SCYL2: variants seen among roughly 807,000 people sequenced by gnomAD.
The protein encoded by SCYL2 is SCY1-like protein 2.
In SCYL2, 36 loss-of-function variants were observed where a neutral mutation model predicts 100.4. The ratio of observed to expected loss-of-function variants is 0.36; its 90% CI spans 0.27 to 0.47. The LOEUF (loss-of-function observed/expected upper bound fraction) is 0.47, where lower values mean the gene tolerates loss of function less well. Ranked by LOEUF, SCYL2 falls within the 20% of genes least tolerant of loss-of-function variation. The pLI is 1.00. For synonymous variants in SCYL2, 330 were observed against 359.2 expected, an observed-to-expected ratio of 0.92 and a Z score of 0.92; for missense variants, 902 against 1,083.9, an observed-to-expected ratio of 0.83 and a Z score of 2.36.
chr12:100,318,329 C>CTT (rs1052095844), intron 10 of SCYL2, among the ~76,000 whole-genome samples: 122 of 130,922 alleles, frequency 9.3e-4, no homozygotes, highest in African/African-American at 1.9e-3. Context: ...TCTTTTCTTT[C>CTT]TTTTTTTTTT....
chr12:100,303,554 C>T (rs1447566424), intron 4 of SCYL2, among the ~76,000 whole-genome samples: 1 of 152,210 alleles, frequency 6.6e-6, no homozygotes, highest in Non-Finnish European at 1.5e-5. Context: ...GAGGTCCACT[C>T]CAGACCCTGT....
intron 1 of SCYL2, among the ~76,000 whole-genome samples, chr12:100,273,982 G>A (rs969685917): frequency 2.6e-5 from 4 of 152,138 alleles, no homozygotes; most frequent in Admixed American, 6.5e-5. Context: ...TCACCTTCCC[G>A]TCAAAATCAA....
At chr12:100,311,003 G>C (rs1227408391) in intron 4 of SCYL2, 41 bp from the exon 5 acceptor site, 2 of 1,428,582 alleles carry the variant, frequency 1.4e-6, no homozygotes, top group African/African-American at 2.9e-5. Flanking sequence ...ATAATTGAAA[G>C]GAGTTTTATT....
intron 1 of SCYL2, among the ~76,000 whole-genome samples, chr12:100,273,632 T>C (rs2096289746): frequency 6.6e-6 from 1 of 152,230 alleles, no homozygotes; most frequent in Non-Finnish European, 1.5e-5. Flanking sequence ...TCTGAAAATA[T>C]GCTTTGTTTT....
At chr12:100,271,209 A>T (rs771573468) in intron 1 of SCYL2, among the ~76,000 whole-genome samples, 12 of 148,704 alleles carry the variant, frequency 8.1e-5, no homozygotes, top group African/African-American at 3.0e-4. Flanking sequence ...TCAAGAATAC[A>T]TCTTAAGGCC....
At chr12:100,296,028 C>T (rs1226657936) in intron 3 of SCYL2, among the ~76,000 whole-genome samples, 1 of 152,178 alleles carries the variant, frequency 6.6e-6, no homozygotes, top group Non-Finnish European at 1.5e-5. Flanking sequence ...TCTTATATCT[C>T]ATAATTACAT....
At chr12:100,272,730 C>T (rs1216646822) in intron 1 of SCYL2, among the ~76,000 whole-genome samples, 9 of 152,164 alleles carry the variant, frequency 5.9e-5, no homozygotes, top group Middle Eastern at 3.4e-3. Flanking sequence ...TTCTTAGTTT[C>T]GTTCTTTTCT....
chr12:100,279,869 TG>T (rs1163682367), intron 1 of SCYL2, among the ~76,000 whole-genome samples: 1 of 152,246 alleles, frequency 6.6e-6, no homozygotes, highest in Non-Finnish European at 1.5e-5. Flanking sequence ...TAAGCATGTG[TG>T]GGACCAGGGA....
At chr12:100,328,457 A>G (rs998358192) in intron 12 of SCYL2, among the ~76,000 whole-genome samples, 1 of 152,214 alleles carries the variant, frequency 6.6e-6, no homozygotes, top group Non-Finnish European at 1.5e-5. Flanking sequence ...AGTAACAAGC[A>G]TAGTGCTCAG....
rs573715140 is a variant in SCYL2, at chr12:100,295,477, C to G, written c.336-2554C>G. Among the ~76,000 whole-genome samples the G allele has an allele frequency of 1.1e-4, 16 of 152,230 alleles. No individual in the cohort carries two copies. In the South Asian group the frequency reaches 1.5e-3, roughly 14 times the overall value. The stretch of plus-strand genomic sequence containing the variant: ...TCGGGAGGCCGAGGCTGGCGGATCA[C>G]TCGCGGTTAGGAGCTGGAGACCGGC... On this transcript the variant is annotated intron_variant, in intron 3 of 17. Transcript: ENST00000360820.
intron 2 of SCYL2, 68 bp from the exon 3 acceptor site, chr12:100,291,435 G>C (rs2096310509): frequency 2.8e-6 from 3 of 1,054,822 alleles, no homozygotes; most frequent in Non-Finnish European, 4.1e-6. Flanking sequence ...TTTGTAGATT[G>C]TGACATTCAT....
At chr12:100,331,827 A>G (rs1001228037) in intron 13 of SCYL2, among the ~76,000 whole-genome samples, 4 of 152,196 alleles carry the variant, frequency 2.6e-5, no homozygotes, top group Admixed American at 2.6e-4. Context: ...GATGATTTAA[A>G]TCTATTATAC....
At chr12:100,294,947 G>A (rs1159106676) in intron 3 of SCYL2, among the ~76,000 whole-genome samples, 4 of 151,498 alleles carry the variant, frequency 2.6e-5, no homozygotes, top group Non-Finnish European at 4.4e-5. Context: ...CAGACGGGGC[G>A]GTTGCCAGGC....
chr12:100,277,715 A>G (rs184711488), intron 1 of SCYL2, among the ~76,000 whole-genome samples: 31 of 152,284 alleles, frequency 2.0e-4, no homozygotes, highest in African/African-American at 7.2e-4. Flanking sequence ...ATTTATTGAT[A>G]TGGTTGGATT....
At position 100,326,727 on chromosome 12, in the gene SCYL2, G is replaced by A. The variant is rs1239419795; in HGVS notation, c.1615G>A (p.Glu539Lys). The change falls in exon 12 of 18, where the codon GAA (glutamate) becomes AAA (lysine). Residue 539 changes from glutamate to lysine, a missense_variant. Glu to Lys is a moderately conservative substitution (Grantham distance 56). Transcript: ENST00000360820. ...LPFLQQIPSK[E>K]PAVLMGILGI... ...CTTCTTACAACAAATTCCATCCAAG[G>A]AACCTGCGGTCCTCATGGGAATTTT... is the stretch of plus-strand genomic sequence containing the variant. 1 of 1,610,870 alleles carries A rather than the reference G, an allele frequency of 6.2e-7. No individual in the cohort carries two copies. The highest frequency in any genetic ancestry group is 1.1e-5 in the South Asian group (1 of 89,996).
intron 14 of SCYL2, 63 bp from the exon 15 acceptor site, chr12:100,335,562 G>A: frequency 1.7e-6 from 2 of 1,162,286 alleles, no homozygotes; most frequent in Non-Finnish European, 2.5e-6. Flanking sequence ...ATAATTTTTG[G>A]CATGAGTATT....
chr12:100,268,638 C>T (rs2096283034), intron 1 of SCYL2, among the ~76,000 whole-genome samples: 1 of 152,082 alleles, frequency 6.6e-6, no homozygotes, highest in South Asian at 2.1e-4. Flanking sequence ...TTCATAAATA[C>T]CCAGTAAAAT....
At chr12:100,307,688 A>G (rs768387540) in intron 4 of SCYL2, among the ~76,000 whole-genome samples, 4 of 152,236 alleles carry the variant, frequency 2.6e-5, no homozygotes, top group Non-Finnish European at 5.9e-5. Context: ...AAAAGAAACT[A>G]TCATCAAAGT....
intron 10 of SCYL2, 58 bp downstream of exon 10, chr12:100,317,983 G>A: frequency 6.8e-7 from 1 of 1,470,664 alleles, no homozygotes; most frequent in Non-Finnish European, 9.1e-7. Flanking sequence ...AGCAGAAGAA[G>A]AGGTATAAAG....
Sources: gnomAD v4.1 joint callset for allele counts (sites outside exome capture counted in the v4.1 genomes callset) on GRCh38, gnomAD v4.1.1 for gene constraint, MANE v1.5 for transcripts, NCBI Gene and HGNC (gene_info 2026-07-23, HGNC 2026-07-21) for gene names.